Variants in SNAP47 observed in about 807,000 individuals in gnomAD.
SNAP47 encodes the protein synaptosome associated protein 47, also known as synaptosomal-associated protein 47.
In SNAP47, 20 loss-of-function variants were observed where a neutral mutation model predicts 31.4. That is an observed-to-expected ratio of 0.64 (90% confidence interval 0.45 to 0.93). The LOEUF (loss-of-function observed/expected upper bound fraction) is 0.93. SNAP47 is among the 40% of genes least tolerant of loss of function. The pLI, the probability that SNAP47 is intolerant of heterozygous loss-of-function variation, is 0.00. For missense variants in SNAP47, 492 were observed against 528.5 expected (o/e 0.93, Z 0.68); for synonymous variants, 194 against 213.4 (o/e 0.91, Z 0.79).
At chr1:227,767,472 G>A (rs560705137) in intron 4 of SNAP47, among the ~76,000 whole-genome samples, 1 of 152,334 alleles carries the variant, frequency 6.6e-6, no homozygotes, top group South Asian at 2.1e-4. Context: ...TGTAGTATGT[G>A]TGCTATGTGT....
chr1:227,775,894 C>G, intron 4 of SNAP47: 1 of 1,303,222 alleles, frequency 7.7e-7, no homozygotes, highest in Non-Finnish European at 1.0e-6. Context: ...GGGCAGCAAG[C>G]GGAAGCTTTT....
chr1:227,739,698 G>C (rs1400592597), intron 1 of SNAP47, among the ~76,000 whole-genome samples: 1 of 152,238 alleles, frequency 6.6e-6, no homozygotes, highest in Non-Finnish European at 1.5e-5. Flanking sequence ...AATGCTGAAA[G>C]AGACCCATTG....
At chr1:227,734,983 C>T (rs1660980131), upstream of SNAP47, 1 of 1,508,092 alleles carries the variant, frequency 6.6e-7, no homozygotes, top group Non-Finnish European at 8.8e-7. Flanking sequence ...CCTTTCCTCC[C>T]CGCCCGGGGT....
At chr1:227,742,125 A>G (rs1339151955) in intron 1 of SNAP47, among the ~76,000 whole-genome samples, 1 of 151,738 alleles carries the variant, frequency 6.6e-6, no homozygotes, top group East Asian at 1.9e-4. Flanking sequence ...GGTGTGCTGC[A>G]CCCACTAACT....
rs1048630063 is a variant in SNAP47 at position 227,741,359 on chromosome 1, G to A, written c.-46+5860G>A. On this transcript the variant is annotated intron_variant, in intron 1 of 4. Transcript: ENST00000617596. The surrounding 1 kb of genome is among the most constrained non-coding windows in gnomAD (Gnocchi z 4.2). ...CGCAGGCACTCATGGAAGTGGGGCT[G>A]GAGACCTGGAGAGGGTAGTGGCCAG... is the stretch of plus-strand genomic sequence containing the variant. 6.6e-6 allele frequency among the ~76,000 whole-genome samples: 1 copy of A among 152,174 alleles called. No homozygotes were observed. The highest frequency in any genetic ancestry group is 2.4e-5 in the African/African-American group (1 of 41,404).
intron 4 of SNAP47, chr1:227,776,768 A>G (rs1291713858): frequency 1.0e-6 from 1 of 985,374 alleles, no homozygotes; most frequent in Non-Finnish European, 1.2e-6. Flanking sequence ...TAGCAGCTGT[A>G]CAGATCGCTC....
rs776596962 is a variant in SNAP47, at chr1:227,748,003, G to T, written c.267G>T (p.Val89=). Residue 89 remains valine, a synonymous_variant, in exon 2 of 5, where the codon GTG becomes GTT. Coordinates refer to ENST00000617596, the MANE Select transcript of SNAP47 (RefSeq NM_053052.4). The part of the protein sequence containing the change: ...WFSSLRPSRN[V]VFSIIEHFWR... The stretch of plus-strand genomic sequence containing the variant: ...GCTCCCTGCGGCCAAGTCGAAATGT[G>T]GTCTTCAGCATCATCGAGCATTTCT... The T allele has an allele frequency of 8.1e-6, 13 of 1,614,076 alleles. No homozygotes were observed. The highest frequency in any genetic ancestry group is 1.0e-5 in the Non-Finnish European group (12 of 1,180,042).
At chr1:227,742,590 C>G (rs1203874936) in intron 1 of SNAP47, among the ~76,000 whole-genome samples, 1 of 152,216 alleles carries the variant, frequency 6.6e-6, no homozygotes, top group African/African-American at 2.4e-5. Flanking sequence ...ACCTCCCAAC[C>G]ATGCCTGCTT....
chr1:227,734,050 GGGCACCACC>G, upstream of SNAP47: 2 of 1,610,014 alleles, frequency 1.2e-6, no homozygotes, highest in Non-Finnish European at 1.7e-6. Context: ...GAGGGCGCAA[GGGCACCACC>G]GACAGCACGT....
intron 3 of SNAP47, among the ~76,000 whole-genome samples, chr1:227,761,163 G>A (rs1463923677): frequency 6.6e-6 from 1 of 152,210 alleles, no homozygotes; most frequent in African/African-American, 2.4e-5. Flanking sequence ...TTAAAAGTAA[G>A]AGATATTTGC....
rs561893300 is a variant in SNAP47 at position 227,741,788 on chromosome 1, G to C, written c.-45-5904G>C. On this transcript the variant is annotated intron_variant, in intron 1 of 4. Transcript: ENST00000617596. The surrounding 1 kb of genome is among the most constrained non-coding windows in gnomAD (Gnocchi z 4.2). ...TTGGGCTGCTTCTGATGTTCCATGG[G>C]GTGTCTTCACTTCCGTCCTTGCACT... is the stretch of plus-strand genomic sequence containing the variant. Among the ~76,000 whole-genome samples, 3 of 152,198 alleles carry C rather than the reference G, an allele frequency of 2.0e-5. No homozygotes were observed. In the South Asian group the frequency reaches 6.2e-4, roughly 32 times the overall value.
intron 1 of SNAP47, among the ~76,000 whole-genome samples, chr1:227,740,714 G>C (rs1661530529): frequency 6.6e-6 from 1 of 152,146 alleles, no homozygotes; most frequent in Non-Finnish European, 1.5e-5. Context: ...GTGGAGGGTG[G>C]GGACACAGCT....
At chr1:227,761,446 G>A (rs1663056972) in intron 3 of SNAP47, among the ~76,000 whole-genome samples, 1 of 152,180 alleles carries the variant, frequency 6.6e-6, no homozygotes, top group Admixed American at 6.5e-5. Context: ...GTTGCAAAGA[G>A]AGGCATTGAC....
intron 1 of SNAP47, among the ~76,000 whole-genome samples, chr1:227,745,455 G>A (rs78101159): frequency 0.016 from 2,373 of 152,284 alleles, 61 homozygotes; most frequent in African/African-American, 0.053. Flanking sequence ...GCTGAGAGCG[G>A]GTGTGTGGCA....
At chr1:227,770,129 G>A (rs914449182) in intron 4 of SNAP47, among the ~76,000 whole-genome samples, 4 of 152,218 alleles carry the variant, frequency 2.6e-5, no homozygotes, top group African/African-American at 9.6e-5. Context: ...CTTGGGTGAC[G>A]CCTCAGCCTC....
At chr1:227,770,353 G>A (rs565483520) in intron 4 of SNAP47, among the ~76,000 whole-genome samples, 1 of 152,276 alleles carries the variant, frequency 6.6e-6, no homozygotes. Flanking sequence ...GTGGAGGTGT[G>A]GGACTGCAGC....
intron 4 of SNAP47, among the ~76,000 whole-genome samples, chr1:227,769,608 G>T (rs573072044): frequency 2.2e-4 from 33 of 152,274 alleles, no homozygotes; most frequent in African/African-American, 7.5e-4. Context: ...GCAACTGGGG[G>T]TGCTCAGGAG....
chr1:227,742,895 G>T (rs529427548), intron 1 of SNAP47, among the ~76,000 whole-genome samples: 10 of 152,212 alleles, frequency 6.6e-5, no homozygotes, highest in Non-Finnish European at 1.0e-4. Flanking sequence ...GAGCCTGCTG[G>T]GTGGCCTTGC....
intron 1 of SNAP47, among the ~76,000 whole-genome samples, chr1:227,737,862 A>G (rs1183479448): frequency 6.6e-6 from 1 of 152,010 alleles, no homozygotes; most frequent in African/African-American, 2.4e-5. Context: ...AGTCAGCCCT[A>G]TTGTGGCTTG....
Sources: allele counts gnomAD v4.1 joint callset (sites outside exome capture counted in the v4.1 genomes callset), GRCh38; gene constraint gnomAD v4.1.1; non-coding constraint Gnocchi (gnomAD v3.1); transcripts MANE v1.5; gene names NCBI Gene and HGNC (gene_info 2026-07-23, HGNC 2026-07-21).